Variants in B3GLCT observed in about 807,000 individuals in gnomAD.
The protein encoded by B3GLCT is beta 3-glucosyltransferase.
In B3GLCT, 65 loss-of-function variants were observed where a neutral mutation model predicts 63.4. That is an observed-to-expected ratio of 1.03 (90% CI 0.84 to 1.26). The LOEUF (loss-of-function observed/expected upper bound fraction) is 1.26. B3GLCT is among the 50% of genes most tolerant of loss of function. The pLI is 0.00. For synonymous variants in B3GLCT, 233 were observed against 219.2 expected, an observed-to-expected ratio of 1.06 and a Z score of -0.55; for missense variants, 577 against 604.8, an observed-to-expected ratio of 0.95 and a Z score of 0.48.
chr13:31,317,633 T>C lies in B3GLCT; in HGVS notation c.1132T>C (p.Tyr378His), dbSNP rs1186750353. The C allele has an allele frequency of 1.2e-6, 2 of 1,614,058 alleles. No individual in the cohort carries two copies. Among genetic ancestry groups the C allele is most frequent in the Non-Finnish European group, 8.5e-7 (1 of 1,179,952 alleles). ...SGEPVFLGER[Y>H]GYGLGTGGYS... ...CGAGCCTGTGTTTCTGGGAGAGCGC[T>C]ACGGCTACGGCCTGGGCACTGGTGG... The change falls in exon 13 of 15, where the codon TAC (tyrosine) becomes CAC (histidine). Residue 378 changes from tyrosine (Y) to histidine (H), a missense_variant. Tyr to His is a moderately conservative substitution (Grantham distance 83). Coordinates refer to ENST00000343307, the MANE Select transcript of B3GLCT (RefSeq NM_194318.4).
intron 10 of B3GLCT, among the ~76,000 whole-genome samples, chr13:31,283,481 A>G (rs1015395389): frequency 1.3e-5 from 2 of 152,166 alleles, no homozygotes; most frequent in African/African-American, 2.4e-5. Flanking sequence ...CCATTTTGAC[A>G]TGTAGAAACC....
intron 12 of B3GLCT, among the ~76,000 whole-genome samples, chr13:31,288,711 A>G (rs1456555570): frequency 6.6e-6 from 1 of 152,188 alleles, no homozygotes; most frequent in Non-Finnish European, 1.5e-5. Flanking sequence ...AAGGTGTCTT[A>G]CTTAACCAAC....
At chr13:31,221,586 T>C (rs751052789) in intron 2 of B3GLCT, among the ~76,000 whole-genome samples, 4 of 152,214 alleles carry the variant, frequency 2.6e-5, no homozygotes, top group Non-Finnish European at 4.4e-5. Flanking sequence ...CTCAGTGGCA[T>C]TTCTAGTCTC....
In B3GLCT at chr13:31,269,256, T is replaced by C. The variant is rs766423209; in HGVS notation, c.639T>C (p.Phe213=). Residue 213 remains phenylalanine, a synonymous_variant, in exon 8 of 15, where the codon TTT becomes TTC. Transcript: ENST00000343307. ...AGAGTGAATCCTTGAAATCCGACTTTACAATAGATTTAAAACATGAGGTAT... is the reference window on the plus strand; with the variant it reads ...AGAGTGAATCCTTGAAATCCGACTTCACAATAGATTTAAAACATGAGGTAT... ...RLKSESLKSD[F]TIDLKHEIAL... The C allele has an allele frequency of 4.4e-6, 7 of 1,607,430 alleles. No individual in the cohort carries two copies. In the East Asian group the frequency reaches 1.3e-4, roughly 31 times the overall value.
chr13:31,309,537 T>C (rs181319187), intron 12 of B3GLCT, among the ~76,000 whole-genome samples: 2 of 152,306 alleles, frequency 1.3e-5, no homozygotes, highest in East Asian at 3.9e-4. Flanking sequence ...GCCCCTTCTT[T>C]GGGTTCCTTT....
intron 7 of B3GLCT, among the ~76,000 whole-genome samples, chr13:31,266,045 G>C (rs1458797910): frequency 6.6e-6 from 1 of 151,972 alleles, no homozygotes; most frequent in Non-Finnish European, 1.5e-5. Flanking sequence ...TGTCGCCCAG[G>C]CTGGAGTACA....
At chr13:31,235,709 C>T (rs1000125475) in intron 4 of B3GLCT, among the ~76,000 whole-genome samples, 2 of 152,128 alleles carry the variant, frequency 1.3e-5, no homozygotes, top group Admixed American at 6.5e-5. Context: ...ACCTAAAATG[C>T]ACGTCTTAAG....
chr13:31,272,382 T>C (rs1209428228), intron 8 of B3GLCT, among the ~76,000 whole-genome samples: 3 of 151,542 alleles, frequency 2.0e-5, no homozygotes, highest in African/African-American at 7.3e-5. Context: ...GCCCGGCTAA[T>C]TTTTTTTGTA....
In B3GLCT at chr13:31,298,069, C is replaced by A. The variant is rs76175017; in HGVS notation, c.1064+11250C>A. ...ATCAACTTGACTTTCAGCTGCTTTC[C>A]CCTCCCAGGAGATTGGGGGGTGGGA... is the stretch of plus-strand genomic sequence containing the variant. On this transcript the variant is annotated intron_variant, in intron 12 of 14. Transcript: ENST00000343307. Among the ~76,000 whole-genome samples, 389 of 152,258 alleles carry A rather than the reference C, an allele frequency of 2.6e-3. 1 individual carries two copies. Among genetic ancestry groups the A allele is most frequent in the African/African-American group, 9.0e-3 (372 of 41,542 alleles).
chr13:31,327,331 A>G (rs1875680423), intron 14 of B3GLCT, among the ~76,000 whole-genome samples: 1 of 152,194 alleles, frequency 6.6e-6, no homozygotes, highest in African/African-American at 2.4e-5. Context: ...TGACTGGATA[A>G]TGAGGCGGCT....
At chr13:31,319,152 A>G (rs1875202668) in intron 13 of B3GLCT, among the ~76,000 whole-genome samples, 2 of 152,176 alleles carry the variant, frequency 1.3e-5, no homozygotes, top group Non-Finnish European at 2.9e-5. Flanking sequence ...TACATTGCAT[A>G]ATTGTCACTG....
chr13:31,241,477 C>G (rs1870940310), intron 4 of B3GLCT, among the ~76,000 whole-genome samples: 3 of 152,174 alleles, frequency 2.0e-5, no homozygotes, highest in Admixed American at 2.0e-4. Context: ...CAGGGATGGC[C>G]TCTCCAGGGT....
intron 12 of B3GLCT, among the ~76,000 whole-genome samples, chr13:31,292,323 A>G (rs1873706242): frequency 6.6e-6 from 1 of 152,208 alleles, no homozygotes; most frequent in East Asian, 1.9e-4. Flanking sequence ...GGCTGGCCTT[A>G]TAAAATGAGT....
At chr13:31,269,642 C>T (rs1035464092) in intron 8 of B3GLCT, among the ~76,000 whole-genome samples, 1 of 149,570 alleles carries the variant, frequency 6.7e-6, no homozygotes, top group African/African-American at 2.5e-5. Flanking sequence ...ATCATGTCCC[C>T]GCCCCCCTAA....
intron 4 of B3GLCT, among the ~76,000 whole-genome samples, chr13:31,243,554 A>G (rs187238277): frequency 4.6e-5 from 7 of 152,358 alleles, no homozygotes; most frequent in Admixed American, 3.9e-4. Context: ...CATGTCAAGA[A>G]TAATGACCCT....
intron 4 of B3GLCT, among the ~76,000 whole-genome samples, chr13:31,246,130 T>G (rs1422904880): frequency 6.6e-6 from 1 of 152,200 alleles, no homozygotes; most frequent in Non-Finnish European, 1.5e-5. Context: ...ACTTAGGTAC[T>G]TGTTCTTGAA....
At chr13:31,295,277 C>G (rs1263843463) in intron 12 of B3GLCT, among the ~76,000 whole-genome samples, 2 of 152,172 alleles carry the variant, frequency 1.3e-5, no homozygotes, top group Non-Finnish European at 2.9e-5. Context: ...GTCTCCCAGT[C>G]AGGAGGCACA....
At chr13:31,216,898 G>T (rs1462455519) in intron 2 of B3GLCT, among the ~76,000 whole-genome samples, 5 of 152,158 alleles carry the variant, frequency 3.3e-5, no homozygotes, top group African/African-American at 1.2e-4. Flanking sequence ...TGTGAATAGT[G>T]CTGTGATGAA....
intron 12 of B3GLCT, among the ~76,000 whole-genome samples, chr13:31,290,857 T>C (rs1002868749): frequency 1.3e-5 from 2 of 152,180 alleles, no homozygotes. Context: ...AGTAGCTCTT[T>C]AGTTTAATTG....
Sources: gnomAD v4.1 joint callset for allele counts (sites outside exome capture counted in the v4.1 genomes callset) on GRCh38, gnomAD v4.1.1 for gene constraint, MANE v1.5 for transcripts, NCBI Gene and HGNC (gene_info 2026-07-23, HGNC 2026-07-21) for gene names.